Variants in ABCC4 observed in about 807,000 individuals in gnomAD.
ABCC4 encodes the protein ATP binding cassette subfamily C member 4 (PEL blood group), also known as ATP-binding cassette sub-family C member 4.
In ABCC4, 102 loss-of-function variants were observed where a neutral mutation model predicts 168.5. The observed-to-expected ratio is 0.61, with a 90% CI of 0.52 to 0.71. The LOEUF (loss-of-function observed/expected upper bound fraction) is 0.71. ABCC4 is among the 30% of genes least tolerant of loss of function. The pLI is 0.00. For synonymous variants in ABCC4, 617 were observed against 590.7 expected (o/e 1.04, Z -0.65); for missense variants, 1,402 against 1,605.8 (o/e 0.87, Z 2.17).
chr13:95,290,161 A>G (rs979866640), intron 1 of ABCC4, among the ~76,000 whole-genome samples: 1 of 144,854 alleles, frequency 6.9e-6, no homozygotes, highest in African/African-American at 2.4e-5. Flanking sequence ...ATAGATAGAT[A>G]GATGCGTGGA....
rs182298000 is a variant in ABCC4, at chr13:95,231,696, T to C, written c.531+2914A>G. ...TTCTGGGATTTCAGGTTAAGTCTTA[T>C]GGTTTAACCCAAGCAATTTTTGACT... On this transcript the variant is annotated intron_variant, in intron 4 of 30. Transcript: ENST00000645237. Among the ~76,000 whole-genome samples the C allele has an allele frequency of 5.4e-4, 82 of 152,368 alleles. 1 individual carries two copies. The East Asian group carries it at 0.013, about 24-fold the overall frequency.
At chr13:95,108,877 C>T (rs1274162255) in intron 20 of ABCC4, among the ~76,000 whole-genome samples, 1 of 152,100 alleles carries the variant, frequency 6.6e-6, no homozygotes, top group African/African-American at 2.4e-5. Context: ...GTGCCCCTCC[C>T]TCAACCTGCC....
chr13:95,188,394 C>T (rs1311227066), intron 10 of ABCC4, 59 bp downstream of exon 10: 2 of 1,517,360 alleles, frequency 1.3e-6, no homozygotes, highest in Non-Finnish European at 1.8e-6. Context: ...GGCTCAAACC[C>T]ACGAAGTTAA....
intron 9 of ABCC4, among the ~76,000 whole-genome samples, chr13:95,193,452 G>A (rs4148481): frequency 0.48 from 72,806 of 151,926 alleles, 17,503 homozygotes; most frequent in East Asian, 0.48. Flanking sequence ...CTCCAGCCCC[G>A]GGGTGCAGCT....
intron 1 of ABCC4, among the ~76,000 whole-genome samples, chr13:95,268,363 T>C (rs141147139): frequency 1.6e-3 from 236 of 152,154 alleles, no homozygotes; most frequent in African/African-American, 5.4e-3. Flanking sequence ...TTGTCCAAGG[T>C]TTCTCCCATG....
intron 25 of ABCC4, among the ~76,000 whole-genome samples, chr13:95,070,589 G>A (rs779138590): frequency 6.6e-6 from 1 of 152,146 alleles, no homozygotes; most frequent in Non-Finnish European, 1.5e-5. Context: ...GTCCCTCCTT[G>A]TTTTCCTTTC....
At chr13:95,299,089 T>C (rs2041609450) in intron 1 of ABCC4, among the ~76,000 whole-genome samples, 1 of 151,338 alleles carries the variant, frequency 6.6e-6, no homozygotes, top group African/African-American at 2.4e-5. Flanking sequence ...GCCCTATCTC[T>C]ACAAAAAAAA....
At chr13:95,106,125 T>C (rs2034994477) in intron 20 of ABCC4, among the ~76,000 whole-genome samples, 1 of 152,058 alleles carries the variant, frequency 6.6e-6, no homozygotes, top group Admixed American at 6.6e-5. Context: ...GGGGTTCAGC[T>C]CTCTATAGGT....
At chr13:95,074,173 T>C (rs754286069) in intron 23 of ABCC4, 41 bp downstream of exon 23, 33 of 1,460,464 alleles carry the variant, frequency 2.3e-5, no homozygotes, top group Admixed American at 9.4e-5. Flanking sequence ...CAGCTATAAA[T>C]TGTAATCATA....
chr13:95,096,468 C>T (rs564019551), intron 20 of ABCC4, among the ~76,000 whole-genome samples: 1 of 152,024 alleles, frequency 6.6e-6, no homozygotes, highest in African/African-American at 2.4e-5. Flanking sequence ...AAATACCAAC[C>T]CATATATTGA....
At chr13:95,054,010 A>C (rs1594015859) in intron 26 of ABCC4, 1 of 135,772 alleles carries the variant, frequency 7.4e-6, no homozygotes, top group Non-Finnish European at 1.5e-5. Flanking sequence ...CCAATGTCAG[A>C]ATGGGACATC....
At chr13:95,142,346 G>A (rs112459918) in intron 19 of ABCC4, among the ~76,000 whole-genome samples, 18 of 152,150 alleles carry the variant, frequency 1.2e-4, no homozygotes, top group African/African-American at 1.9e-4. Flanking sequence ...ACCAAACATC[G>A]TATGTTCTCA....
chr13:95,043,735 C>A lies in ABCC4; in HGVS notation c.3682G>T (p.Val1228Leu), dbSNP rs141672372. Residue 1228 changes from valine (V) to leucine (L), a missense_variant, in exon 29 of 31, where the codon GTG becomes TTG. Around this residue, in one of 3 missense-constraint regions of ABCC4, gnomAD observed 1,007 missense variants for 1,127.3 expected, o/e 0.89. Coordinates refer to ENST00000645237, the MANE Select transcript of ABCC4 (RefSeq NM_005845.5). ...KIREKFAHCT[V>L]LTIAHRLNTI... is the part of the protein sequence containing the mutation. ...TTCAATCTGTGTGCAATGGTTAGCA[C>A]GGTGCAGTGGGCAAATTTCTCCCGG... 2.5e-6 allele frequency: 4 copies of A among 1,613,690 alleles called. No individual in the cohort carries two copies. Among genetic ancestry groups the A allele is most frequent in the African/African-American group, 1.3e-5 (1 of 74,852 alleles).
At position 95,083,190 on chromosome 13, in the gene ABCC4, C is replaced by A; in HGVS notation, c.2636G>T (p.Arg879Leu). Residue 879 changes from arginine (R) to leucine (L), a missense_variant, in exon 21 of 31, where the codon CGG becomes CTG. Transcript: ENST00000645237. Reference sequence around the variant, plus strand: ...TCTTGACGTTTCCAAAAAATATCGCCGAAGAAAAATGAAAATGATTCCAAG... The same window carrying A: ...TCTTGACGTTTCCAAAAAATATCGCAGAAGAAAAATGAAAATGATTCCAAG... ...VPLGIIFIFL[R>L]RYFLETSRDV... The A allele has an allele frequency of 6.2e-7, 1 of 1,613,752 alleles. No individual in the cohort carries two copies. Among genetic ancestry groups the A allele is most frequent in the Non-Finnish European group, 8.5e-7 (1 of 1,179,902 alleles).
At position 95,176,163 on chromosome 13, in the gene ABCC4, T is replaced by A. The variant is rs190985317; in HGVS notation, c.1727+1544A>T. Among the ~76,000 whole-genome samples, 98 of 135,924 alleles carry A rather than the reference T, an allele frequency of 7.2e-4. 1 individual carries two copies. Among genetic ancestry groups the A allele is most frequent in the African/African-American group, 2.6e-3 (90 of 35,198 alleles). 89.2% of individuals were successfully genotyped at this position (135,924 alleles called of 152,430 possible). On this transcript the variant is annotated intron_variant, in intron 13 of 30. Transcript: ENST00000645237. ...ACTTCTTCCATTTAAAAAAAAAGAT[T>A]GTCGTATGCCAGGTGTAGGGGCTCA...
chr13:95,097,762 T>A (rs572630793), intron 20 of ABCC4, among the ~76,000 whole-genome samples: 117 of 148,454 alleles, frequency 7.9e-4, no homozygotes, highest in Admixed American at 2.0e-3. Flanking sequence ...TAAGGTTTTT[T>A]AAAAAAAAAA....
chr13:95,138,401 T>G (rs2139471820), intron 19 of ABCC4, among the ~76,000 whole-genome samples: 1 of 152,344 alleles, frequency 6.6e-6, no homozygotes, highest in South Asian at 2.1e-4. Flanking sequence ...TAGACTTTGC[T>G]GCTATTATAC....
At chr13:95,172,464 G>A (rs1432575349) in intron 13 of ABCC4, among the ~76,000 whole-genome samples, 4 of 151,924 alleles carry the variant, frequency 2.6e-5, no homozygotes, top group Admixed American at 6.6e-5. Context: ...CCAGCTACTC[G>A]GCTGGCTGAG....
At chr13:95,076,327 G>A (rs749003977) in intron 21 of ABCC4, among the ~76,000 whole-genome samples, 1 of 152,156 alleles carries the variant, frequency 6.6e-6, no homozygotes, top group Non-Finnish European at 1.5e-5. Context: ...TCTATGGCAT[G>A]TGCCATTGCT....
Sources: allele counts gnomAD v4.1 joint callset (sites outside exome capture counted in the v4.1 genomes callset), GRCh38; gene constraint gnomAD v4.1.1; regional missense constraint gnomAD v4.1.1; transcripts MANE v1.5; gene names NCBI Gene and HGNC (gene_info 2026-07-23, HGNC 2026-07-21).